EXPH5: variants seen among roughly 807,000 people sequenced by gnomAD.
EXPH5 encodes the protein exophilin-5.
A neutral mutation model predicts 41.1 loss-of-function variants in EXPH5; 42 were observed. That is an observed-to-expected ratio of 1.02 (90% confidence interval 0.80 to 1.32). The LOEUF is 1.32. Ranked by LOEUF, EXPH5 falls within the 40% of genes most tolerant of loss-of-function variation. The probability of loss-of-function intolerance (pLI) is 0.00; values close to 1 mark genes in which losing one functional copy is unlikely to be tolerated. For missense variants in EXPH5, 2,298 were observed against 2,314.5 expected, an observed-to-expected ratio of 0.99 and a Z score of 0.15; for synonymous variants, 798 against 833.5, an observed-to-expected ratio of 0.96 and a Z score of 0.73.
chr11:108,563,851 C>T (rs2094023283), intron 1 of EXPH5, among the ~76,000 whole-genome samples: 1 of 152,188 alleles, frequency 6.6e-6, no homozygotes, highest in Admixed American at 6.5e-5. Flanking sequence ...TGAGGGGCTG[C>T]TCCTCTGAAT....
rs138068531 is a variant in EXPH5 at position 108,514,402 on chromosome 11, A to G, written c.1105T>C (p.Ser369Pro). Reference sequence around the variant, plus strand: ...TCTGATCTGTTCCATATGATGGATGATAAAGGAGTTCTCTTTGGACTCTGC... The same window carrying G: ...TCTGATCTGTTCCATATGATGGATGGTAAAGGAGTTCTCTTTGGACTCTGC... ...HQQSPKRTPLSSIIWNRSDSS... is the reference protein window; with the variant it reads ...HQQSPKRTPLPSIIWNRSDSS... The change falls in exon 6 of 6, where the codon TCA becomes CCA. Residue 369 changes from serine (S) to proline (P), a missense_variant. Coordinates refer to ENST00000265843, the MANE Select transcript of EXPH5 (RefSeq NM_015065.3). 23 of 1,614,014 alleles carry G rather than the reference A, an allele frequency of 1.4e-5. No individual in the cohort carries two copies. The African/African-American group carries it at 2.7e-4, about 19-fold the overall frequency.
At chr11:108,519,783 A>C (rs1229826763) in intron 4 of EXPH5, among the ~76,000 whole-genome samples, 1 of 150,962 alleles carries the variant, frequency 6.6e-6, no homozygotes, top group Non-Finnish European at 1.5e-5. Flanking sequence ...AACCCACAAA[A>C]AACCAAAAAT....
chr11:108,603,444 C>G, the EXPH5 span, among the ~76,000 whole-genome samples: 20 of 152,266 alleles, frequency 1.3e-4, 1 homozygote, highest in South Asian at 4.2e-3. Context: ...CCTAGCTACT[C>G]AGGAGGAGGA....
intron 1 of EXPH5, among the ~76,000 whole-genome samples, chr11:108,584,126 G>T (rs1026498507): frequency 2.6e-5 from 4 of 152,246 alleles, no homozygotes; most frequent in African/African-American, 9.6e-5. Context: ...AAATCGGATG[G>T]CTTATTTAAC....
intron 5 of EXPH5, 60 bp from the exon 6 acceptor site, chr11:108,514,935 G>T: frequency 8.6e-7 from 1 of 1,169,042 alleles, no homozygotes; most frequent in Non-Finnish European, 1.1e-6. Flanking sequence ...ATAATAATTT[G>T]AGTTATTGAA....
chr11:108,586,463 TC>T (rs1234159265), intron 1 of EXPH5, among the ~76,000 whole-genome samples: 3 of 12,746 alleles, frequency 2.4e-4, no homozygotes, highest in African/African-American at 7.0e-4. Context: ...CTTTCCTCCC[TC>T]CCCCATCCCC....
At chr11:108,605,037 T>A in the EXPH5 span, among the ~76,000 whole-genome samples, 3 of 152,062 alleles carry the variant, frequency 2.0e-5, no homozygotes, top group African/African-American at 4.8e-5. Flanking sequence ...AGGAGGGAGA[T>A]TCCCTAAGAA....
At chr11:108,551,209 T>C (rs943116003) in intron 1 of EXPH5, among the ~76,000 whole-genome samples, 18 of 152,192 alleles carry the variant, frequency 1.2e-4, no homozygotes, top group African/African-American at 4.3e-4. Context: ...CTAAAACCCA[T>C]GTTCTCCTAA....
At chr11:108,516,764 A>G (rs898319649) in intron 5 of EXPH5, among the ~76,000 whole-genome samples, 3 of 152,204 alleles carry the variant, frequency 2.0e-5, no homozygotes, top group Non-Finnish European at 4.4e-5. Context: ...AGGATATGTA[A>G]TTAAGGAATT....
At chr11:108,580,054 A>T (rs1198423849) in intron 1 of EXPH5, among the ~76,000 whole-genome samples, 4 of 152,192 alleles carry the variant, frequency 2.6e-5, no homozygotes, top group East Asian at 3.9e-4. Context: ...AACAAATGGG[A>T]TTATATAAAA....
chr11:108,555,471 T>C (rs1257481423), intron 1 of EXPH5, among the ~76,000 whole-genome samples: 1 of 152,178 alleles, frequency 6.6e-6, no homozygotes. Flanking sequence ...ACAAAGATTC[T>C]CACCTTTCTG....
intron 2 of EXPH5, among the ~76,000 whole-genome samples, 185 bp from the exon 3 acceptor site, chr11:108,539,371 G>A (rs2093899752): frequency 6.6e-6 from 1 of 152,138 alleles, no homozygotes; most frequent in South Asian, 2.1e-4. Context: ...CGCCTCTGAT[G>A]GTTCTGCTGC....
chr11:108,513,916 C>T lies in EXPH5; in HGVS notation c.1591G>A (p.Glu531Lys). The stretch of plus-strand genomic sequence containing the variant: ...GTTCCATAACCAGAAGAAAATGATT[C>T]CCAGTGTTCAGAAGAAACATTATGG... ...HGHNVSSEHW[E>K]SFSSGYGTDV... Residue 531 changes from glutamate to lysine, a missense_variant, in exon 6 of 6, where the codon GAA becomes AAA. Coordinates refer to ENST00000265843, the MANE Select transcript of EXPH5 (RefSeq NM_015065.3). 1 of 1,609,602 alleles carries T rather than the reference C, an allele frequency of 6.2e-7. No homozygotes were observed.
At chr11:108,571,778 C>G (rs965871489) in intron 1 of EXPH5, among the ~76,000 whole-genome samples, 2 of 152,108 alleles carry the variant, frequency 1.3e-5, no homozygotes, top group Non-Finnish European at 2.9e-5. Context: ...AGTCATTGAA[C>G]AGGCTGGGGC....
chr11:108,605,167 T>C, the EXPH5 span, among the ~76,000 whole-genome samples: 1 of 152,182 alleles, frequency 6.6e-6, no homozygotes, highest in African/African-American at 2.4e-5. Flanking sequence ...TGTAGCACCT[T>C]GAAAGGGTGC....
chr11:108,559,298 T>A lies in EXPH5; in HGVS notation c.120-17486A>T, dbSNP rs992339604. On this transcript the variant is annotated intron_variant, in intron 1 of 5. Transcript: ENST00000265843. Reference sequence around the variant, plus strand: ...AGCTTTTGCGTCCCTCTTATTCCCCTTTATACAGATGCTCAGACATCTTCC... The same window carrying A: ...AGCTTTTGCGTCCCTCTTATTCCCCATTATACAGATGCTCAGACATCTTCC... Among the ~76,000 whole-genome samples the A allele has an allele frequency of 2.0e-5, 3 of 152,362 alleles. 1 individual carries two copies. The South Asian group carries it at 6.2e-4, about 32-fold the overall frequency.
At chr11:108,575,910 C>T (rs564404780) in intron 1 of EXPH5, among the ~76,000 whole-genome samples, 3 of 151,604 alleles carry the variant, frequency 2.0e-5, no homozygotes, top group Non-Finnish European at 4.4e-5. Flanking sequence ...TGTAGTGAGC[C>T]GAGATCACAC....
chr11:108,567,029 C>T (rs2136091955), intron 1 of EXPH5, among the ~76,000 whole-genome samples: 1 of 152,328 alleles, frequency 6.6e-6, no homozygotes, highest in South Asian at 2.1e-4. Flanking sequence ...TGCCTCTCTT[C>T]TATTTAACAT....
At chr11:108,573,762 A>G (rs1220858776) in intron 1 of EXPH5, among the ~76,000 whole-genome samples, 1 of 152,176 alleles carries the variant, frequency 6.6e-6, no homozygotes, top group Non-Finnish European at 1.5e-5. Flanking sequence ...AGTGAATATT[A>G]CTCTAATCTC....
Sources: gnomAD v4.1 joint callset for allele counts (sites outside exome capture counted in the v4.1 genomes callset) on GRCh38, gnomAD v4.1.1 for gene constraint, MANE v1.5 for transcripts, NCBI Gene and HGNC (gene_info 2026-07-23, HGNC 2026-07-21) for gene names.